Variants in HECW2 observed in about 807,000 individuals in gnomAD.
HECW2 encodes E3 ubiquitin-protein ligase HECW2.
A neutral mutation model predicts 175.2 loss-of-function variants in HECW2; 61 were observed. The observed-to-expected ratio is 0.35, with a 90% CI of 0.28 to 0.43. HECW2 has a LOEUF of 0.43. Among genes scored for constraint, HECW2 ranks in the 20% least tolerant of loss-of-function variants. HECW2 has a pLI of 1.00. For missense variants in HECW2, 1,524 were observed against 2,000.5 expected, an observed-to-expected ratio of 0.76 and a Z score of 4.54; for synonymous variants, 671 against 731.0, an observed-to-expected ratio of 0.92 and a Z score of 1.32.
intron 2 of HECW2, among the ~76,000 whole-genome samples, chr2:196,370,865 G>A (rs1693888137): frequency 6.6e-6 from 1 of 152,160 alleles, no homozygotes; most frequent in African/African-American, 2.4e-5. Flanking sequence ...TAAGCGCACA[G>A]ATTCTCTCTC....
Position 196,278,583 on chromosome 2 carries a change from C to A in HECW2, c.3080G>T (p.Ser1027Ile), listed in dbSNP as rs1238864368. 2 of 1,614,022 alleles carry A rather than the reference C, an allele frequency of 1.2e-6. No homozygotes were observed. The highest frequency in any genetic ancestry group is 4.5e-5 in the East Asian group (2 of 44,880). The change falls in exon 15 of 29, where the codon AGT becomes ATT. Residue 1027 changes from serine to isoleucine, a missense_variant. By Grantham distance (142) the Ser-to-Ile change is moderately radical. Transcript: ENST00000644978. ...RLPLQSSRPT[S>I]ALVHRQHLTR... ...CAGGTGTTGCCGATGAACCAGCGCA[C>A]TTGTGGGTCTACTGCTCTGAAGTGG...
At chr2:196,319,965 A>G (rs1276527927) in intron 8 of HECW2, 61 bp from the exon 9 acceptor site, 12 of 1,471,368 alleles carry the variant, frequency 8.2e-6, no homozygotes, top group Non-Finnish European at 1.0e-5. Flanking sequence ...ACGTTTTATG[A>G]CTTATTTGCT....
At chr2:196,265,318 C>G (rs1242353055) in intron 17 of HECW2, among the ~76,000 whole-genome samples, 1 of 152,172 alleles carries the variant, frequency 6.6e-6, no homozygotes. Context: ...AACCCCATCT[C>G]TACTGAAAAT....
At chr2:196,535,962 ACAAT>A (rs1243763477) in intron 1 of HECW2, among the ~76,000 whole-genome samples, 1 of 152,220 alleles carries the variant, frequency 6.6e-6, no homozygotes, top group Non-Finnish European at 1.5e-5. Flanking sequence ...TATGAAAAAT[ACAAT>A]CAGATTGCTT....
intron 1 of HECW2, among the ~76,000 whole-genome samples, chr2:196,558,831 A>G (rs948615588): frequency 1.1e-3 from 173 of 152,226 alleles, no homozygotes; most frequent in African/African-American, 4.1e-3. Context: ...GGGCAAAACT[A>G]TCAGAAGCTA....
chr2:196,573,629 T>C (rs180910180), intron 1 of HECW2, among the ~76,000 whole-genome samples: 59 of 152,096 alleles, frequency 3.9e-4, no homozygotes, highest in African/African-American at 4.8e-5. Context: ...CAGTGCCCAC[T>C]CAATGGGAAA....
chr2:196,562,111 T>G (rs1190810509), intron 1 of HECW2, among the ~76,000 whole-genome samples: 3 of 152,224 alleles, frequency 2.0e-5, no homozygotes, highest in African/African-American at 7.2e-5. Context: ...ACATGCAGCC[T>G]AAATAATGAT....
intron 17 of HECW2, among the ~76,000 whole-genome samples, chr2:196,265,559 T>C (rs1477077296): frequency 1.3e-5 from 2 of 152,164 alleles, no homozygotes; most frequent in African/African-American, 2.4e-5. Context: ...ATCACACTGG[T>C]CCATTTATAT....
chr2:196,577,909 G>C (rs1387016595), intron 1 of HECW2, among the ~76,000 whole-genome samples: 1 of 152,062 alleles, frequency 6.6e-6, no homozygotes, highest in Non-Finnish European at 1.5e-5. Flanking sequence ...CCTCGAGAGG[G>C]AGGACAATCT....
chr2:196,526,509 C>T (rs1456357760), intron 1 of HECW2, among the ~76,000 whole-genome samples: 3 of 152,082 alleles, frequency 2.0e-5, no homozygotes, highest in South Asian at 2.1e-4. Flanking sequence ...AGCTTTGTTC[C>T]ATTGCTGGTG....
In HECW2 at chr2:196,318,659, T is replaced by C; in HGVS notation, c.2231A>G (p.Glu744Gly). ...GEVWQRRGSL[E>G]GAAAAAESPP... ...GCTCTCGGCAGCAGCTGCAGCTCCC[T>C]CCAGGCTCCCCCTCCGCTGCCAGAC... The change falls in exon 9 of 29, where the codon GAG becomes GGG. Residue 744 changes from glutamate (E) to glycine (G), a missense_variant. Transcript: ENST00000644978. The C allele has an allele frequency of 6.2e-7, 1 of 1,601,564 alleles. No individual in the cohort carries two copies. Among genetic ancestry groups the C allele is most frequent in the Non-Finnish European group, 8.5e-7 (1 of 1,173,452 alleles).
intron 2 of HECW2, among the ~76,000 whole-genome samples, chr2:196,357,534 T>C (rs1693420478): frequency 6.6e-6 from 1 of 152,208 alleles, no homozygotes; most frequent in Non-Finnish European, 1.5e-5. Context: ...GTAAAACCCT[T>C]AATGCAACAT....
chr2:196,544,036 C>T (rs1689318832), intron 1 of HECW2, among the ~76,000 whole-genome samples: 2 of 152,218 alleles, frequency 1.3e-5, no homozygotes, highest in Admixed American at 1.3e-4. Flanking sequence ...TTCCAGGACT[C>T]TGCTAGGTAA....
rs1688738973 is a variant in HECW2, at chr2:196,248,604, AC to A, written c.3529+5315del. Among the ~76,000 whole-genome samples, 28 of 140,476 alleles carry A rather than the reference AC, an allele frequency of 2.0e-4. 1 individual carries two copies. Among genetic ancestry groups the A allele is most frequent in the South Asian group, 1.3e-3 (6 of 4,450 alleles). The allele number at this position is 140,476 out of a possible 152,430, so 92.2% of individuals were successfully genotyped here. On this transcript the variant is annotated intron_variant, in intron 19 of 28. Transcript: ENST00000644978. ...GAGAGAGAGAGACAGACAGACACACACACACACACACACACACACACACACA... is the reference window on the plus strand; with the variant it reads ...GAGAGAGAGAGACAGACAGACACACAACACACACACACACACACACACACA...
intron 19 of HECW2, among the ~76,000 whole-genome samples, 197 bp downstream of exon 19, chr2:196,253,723 A>G (rs971631724): frequency 6.6e-6 from 1 of 152,206 alleles, no homozygotes; most frequent in Non-Finnish European, 1.5e-5. Context: ...TAATCCTCCT[A>G]TTCATTATGT....
At chr2:196,586,167 T>C (rs1690967312) in intron 1 of HECW2, among the ~76,000 whole-genome samples, 1 of 152,192 alleles carries the variant, frequency 6.6e-6, no homozygotes, top group Non-Finnish European at 1.5e-5. Flanking sequence ...ACTGAAAATA[T>C]CACTTCCTTA....
At chr2:196,499,898 G>A (rs1368372803) in intron 1 of HECW2, among the ~76,000 whole-genome samples, 1 of 152,098 alleles carries the variant, frequency 6.6e-6, no homozygotes, top group Non-Finnish European at 1.5e-5. Flanking sequence ...CTGAGTTAAT[G>A]ATTATGCTGT....
At chr2:196,401,650 A>T (rs1192320285) in intron 2 of HECW2, among the ~76,000 whole-genome samples, 1 of 152,242 alleles carries the variant, frequency 6.6e-6, no homozygotes, top group Non-Finnish European at 1.5e-5. Flanking sequence ...TTTTATATAC[A>T]CAGGAGTGAA....
intron 14 of HECW2, among the ~76,000 whole-genome samples, chr2:196,279,448 C>T (rs548191712): frequency 6.6e-6 from 1 of 152,158 alleles, no homozygotes; most frequent in Non-Finnish European, 1.5e-5. Flanking sequence ...CTCTATTTGT[C>T]CCCTCCCAGC....
Sources: gnomAD v4.1 joint callset for allele counts (sites outside exome capture counted in the v4.1 genomes callset) on GRCh38, gnomAD v4.1.1 for gene constraint, MANE v1.5 for transcripts, NCBI Gene and HGNC (gene_info 2026-07-23, HGNC 2026-07-21) for gene names.